LRCH1: variants seen among roughly 807,000 people sequenced by gnomAD.
LRCH1 encodes leucine-rich repeat and calponin homology domain-containing protein 1.
LRCH1 carries 23 observed loss-of-function variants against 94.9 expected under a neutral mutation model. The ratio of observed to expected loss-of-function variants is 0.24; its 90% CI spans 0.17 to 0.34. The LOEUF is 0.34. LRCH1 is among the 10% of genes least tolerant of loss of function. LRCH1 has a pLI of 1.00. For missense variants in LRCH1, 790 were observed against 945.9 expected (o/e 0.84, Z 2.16); for synonymous variants, 364 against 354.9 (o/e 1.03, Z -0.29).
chr13:46,748,127 T>A (rs1009181091), downstream of LRCH1, among the ~76,000 whole-genome samples: 1 of 152,234 alleles, frequency 6.6e-6, no homozygotes, highest in African/African-American at 2.4e-5. Flanking sequence ...AACACATGGA[T>A]GCTTTAAATA....
At chr13:46,637,491 G>A (rs775460863) in intron 1 of LRCH1, among the ~76,000 whole-genome samples, 3 of 152,040 alleles carry the variant, frequency 2.0e-5, no homozygotes, top group Non-Finnish European at 4.4e-5. Flanking sequence ...TTGTCCCCTC[G>A]CTGGAGTCCC....
At chr13:46,619,761 T>C (rs1285325255) in intron 1 of LRCH1, among the ~76,000 whole-genome samples, 3 of 152,222 alleles carry the variant, frequency 2.0e-5, no homozygotes, top group African/African-American at 7.2e-5. Flanking sequence ...GTGGTTGTTG[T>C]TGTTTGGAAG....
intron 1 of LRCH1, among the ~76,000 whole-genome samples, chr13:46,621,672 T>C (rs1202868627): frequency 1.3e-5 from 2 of 152,236 alleles, no homozygotes; most frequent in Non-Finnish European, 2.9e-5. Context: ...ACACCAGACT[T>C]TTACAGCGTT....
intron 1 of LRCH1, among the ~76,000 whole-genome samples, chr13:46,603,539 A>G (rs1389922896): frequency 6.6e-6 from 1 of 152,156 alleles, no homozygotes; most frequent in African/African-American, 2.4e-5. Flanking sequence ...GCACCAATAA[A>G]TTTCAAGACT....
At chr13:46,745,753 A>G (rs1223809234), downstream of LRCH1, among the ~76,000 whole-genome samples, 1 of 152,234 alleles carries the variant, frequency 6.6e-6, no homozygotes, top group African/African-American at 2.4e-5. Context: ...TATAAGAAGC[A>G]GCCTGAACAA....
In LRCH1 at chr13:46,742,292, A is replaced by G. The variant is rs1006430565; in HGVS notation, c.*444A>G. Reference sequence around the variant, plus strand: ...ATTCGGGACTGGGCAATTGAGCTGTATAGGGGCCACCTTGCAGGGAGGACA... The same window carrying G: ...ATTCGGGACTGGGCAATTGAGCTGTGTAGGGGCCACCTTGCAGGGAGGACA... On this transcript the variant is annotated 3_prime_UTR_variant, in exon 20 of 20. Transcript: ENST00000389797. 4.9e-6 allele frequency: 5 copies of G among 1,021,188 alleles called. No individual in the cohort carries two copies. The highest frequency in any genetic ancestry group is 9.0e-5 in the East Asian group (1 of 11,122). The allele number at this position is 1,021,188 out of a possible 1,614,324, so 63.3% of individuals were successfully genotyped here. A position where few individuals can be genotyped will look rare whatever the true frequency, so the allele number is the denominator to read the frequency against.
intron 1 of LRCH1, among the ~76,000 whole-genome samples, chr13:46,596,139 T>C (rs1235114062): frequency 3.3e-5 from 5 of 152,304 alleles, no homozygotes; most frequent in Middle Eastern, 3.4e-3. Flanking sequence ...TTATCATAGA[T>C]GAGGGAGTTG....
In LRCH1 at chr13:46,715,607, G is replaced by C; in HGVS notation, c.1702G>C (p.Ala568Pro). The change falls in exon 16 of 20, where the codon GCA becomes CCA. Residue 568 changes from alanine to proline, a missense_variant. Around this residue, in one of 3 missense-constraint regions of LRCH1, gnomAD observed 460 missense variants for 508.9 expected, o/e 0.90. Transcript: ENST00000389797. Reference protein sequence around the residue: ...PPISFNTLTQAQTWDSSSYSV... With the variant: ...PPISFNTLTQPQTWDSSSYSV... ...TATCTCCTTCAACACACTTACACAG[G>C]CACAGACATGGGACAGCTCTAGCTA... is the stretch of plus-strand genomic sequence containing the variant. 6.5e-7 allele frequency: 1 copy of C among 1,537,158 alleles called. No homozygotes were observed. Among genetic ancestry groups the C allele is most frequent in the Non-Finnish European group, 8.7e-7 (1 of 1,146,828 alleles).
intron 1 of LRCH1, among the ~76,000 whole-genome samples, chr13:46,612,219 A>AATATAT (rs2050755747): frequency 6.6e-6 from 1 of 152,140 alleles, no homozygotes; most frequent in Admixed American, 6.5e-5. Flanking sequence ...CTTAAAATTA[A>AATATAT]ATATATATAT....
intron 1 of LRCH1, among the ~76,000 whole-genome samples, chr13:46,558,598 A>AAAAAAAAAAAAAAAAAT: frequency 7.0e-6 from 1 of 143,784 alleles, no homozygotes; most frequent in East Asian, 2.0e-4. Flanking sequence ...AAAAAAAAAA[A>AAAAAAAAAAAAAAAAAT]GCTGGGTTCC....
intron 1 of LRCH1, among the ~76,000 whole-genome samples, chr13:46,567,690 T>C (rs941308354): frequency 2.6e-5 from 4 of 152,234 alleles, no homozygotes; most frequent in Admixed American, 6.5e-5. Flanking sequence ...GGTACTGTGC[T>C]ATAACTTTAT....
Position 46,650,361 on chromosome 13 carries a change from A to G in LRCH1, c.452+16A>G. ...TGAACTTGAGGTAGGTTAAACATAA[A>G]AGTTGTAATCAAATTCAGTGAAAGA... On this transcript the variant is annotated intron_variant, in intron 2 of 19. Transcript: ENST00000389797. 6.4e-7 allele frequency: 1 copy of G among 1,551,018 alleles called. No homozygotes were observed. Among genetic ancestry groups the G allele is most frequent in the Non-Finnish European group, 8.7e-7 (1 of 1,148,472 alleles).
chr13:46,606,591 G>T (rs751908508), intron 1 of LRCH1, among the ~76,000 whole-genome samples: 1 of 151,902 alleles, frequency 6.6e-6, no homozygotes, highest in Non-Finnish European at 1.5e-5. Flanking sequence ...TTGTTTTTTG[G>T]GACAGGGTCT....
At chr13:46,740,525 G>T (rs535676980) in intron 19 of LRCH1, among the ~76,000 whole-genome samples, 3 of 152,148 alleles carry the variant, frequency 2.0e-5, no homozygotes, top group African/African-American at 7.2e-5. Context: ...CAGCTGCTTA[G>T]CAGTGAGGCC....
Position 46,553,677 on chromosome 13 carries a change from A to C in LRCH1, c.281A>C (p.His94Pro). 1 of 1,610,152 alleles carries C rather than the reference A, an allele frequency of 6.2e-7. No homozygotes were observed. Among genetic ancestry groups the C allele is most frequent in the Non-Finnish European group, 8.5e-7 (1 of 1,179,270 alleles). ...TTTCCCCGTACCGCAGCCCCCGGGC[A>C]CGACCTCTCGGACACGGTGCAGGCA... ...KEFPRTAAPG[H>P]DLSDTVQADL... Residue 94 changes from histidine (H) to proline (P), a missense_variant, in exon 1 of 20, where the codon CAC becomes CCC. Physicochemically the swap from His to Pro is moderately conservative, Grantham distance 77. Around this residue, in one of 3 missense-constraint regions of LRCH1, gnomAD observed 136 missense variants for 143.5 expected, o/e 0.95. Transcript: ENST00000389797.
In LRCH1 at chr13:46,686,074, T is replaced by G. The variant is rs770796734; in HGVS notation, c.822+33T>G. The G allele has an allele frequency of 4.0e-5, 59 of 1,470,732 alleles. No homozygotes were observed. In the Middle Eastern group the frequency reaches 5.4e-4, roughly 13 times the overall value. The allele number at this position is 1,470,732 out of a possible 1,614,324, so 91.1% of individuals were successfully genotyped here. A position where few individuals can be genotyped will look rare whatever the true frequency, so the allele number is the denominator to read the frequency against. On this transcript the variant is annotated intron_variant, in intron 5 of 19. Coordinates refer to ENST00000389797, the MANE Select transcript of LRCH1 (RefSeq NM_001164211.2). ...GTCTTGCAGCAAAGCCAATGCCCCA[T>G]GGGATGTGCTGTTATAGGAGCCAAG...
chr13:46,658,942 CAA>C (rs1163812245), intron 2 of LRCH1, among the ~76,000 whole-genome samples: 3 of 152,108 alleles, frequency 2.0e-5, no homozygotes, highest in Admixed American at 6.6e-5. Flanking sequence ...CGCTTGAAAA[CAA>C]TATATGTTTT....
chr13:46,660,034 C>CATTTTTTTTTTT (rs2051424754), intron 2 of LRCH1, among the ~76,000 whole-genome samples: 2 of 103,664 alleles, frequency 1.9e-5, no homozygotes, highest in African/African-American at 3.6e-5. Flanking sequence ...TTAGGAGTCA[C>CATTTTTTTTTTT]TTTTTTTTTT....
At chr13:46,577,018 A>G (rs756257543) in intron 1 of LRCH1, among the ~76,000 whole-genome samples, 1 of 151,888 alleles carries the variant, frequency 6.6e-6, no homozygotes, top group Non-Finnish European at 1.5e-5. Flanking sequence ...TGATTGTGGA[A>G]CTCATGGTGG....
Sources: allele counts gnomAD v4.1 joint callset (sites outside exome capture counted in the v4.1 genomes callset), GRCh38; gene constraint gnomAD v4.1.1; regional missense constraint gnomAD v4.1.1; transcripts MANE v1.5; gene names NCBI Gene and HGNC (gene_info 2026-07-23, HGNC 2026-07-21).